Variants in UPF3B observed in about 807,000 individuals in gnomAD.
UPF3B encodes the protein UPF3B regulator of nonsense mediated mRNA decay.
Under a neutral mutation model 40.3 loss-of-function variants are expected in UPF3B, and 7 were observed. That is an observed-to-expected ratio of 0.17 (90% CI 0.10 to 0.33). UPF3B has a LOEUF of 0.33. Among genes scored for constraint, UPF3B ranks in the 10% least tolerant of loss-of-function variants. The pLI is 1.00. For missense variants in UPF3B, 229 were observed against 358.9 expected (o/e 0.64, Z 2.93); for synonymous variants, 117 against 117.3 (o/e 1.00, Z 0.01).
At position 119,851,153 on chromosome X, in the gene UPF3B, C is replaced by T. The variant is rs1284850183; in HGVS notation, c.370+342G>A. Among the ~76,000 whole-genome samples, 6 of 112,172 alleles carry T rather than the reference C, an allele frequency of 5.3e-5. No individual in the cohort carries two copies. The East Asian group carries it at 1.4e-3, about 26-fold the overall frequency. On this transcript the variant is annotated intron_variant, in intron 3 of 10. Coordinates refer to ENST00000276201, the MANE Select transcript of UPF3B (RefSeq NM_080632.3). The stretch of plus-strand genomic sequence containing the variant: ...TTTGAATTAAATAAATGTTTGTCCT[C>T]GAAGCAAAATAAGAAGTAAATATTT...
intron 10 of UPF3B, among the ~76,000 whole-genome samples, chrX:119,835,346 C>T (rs1014775098): frequency 9.0e-6 from 1 of 111,466 alleles, no homozygotes; most frequent in South Asian, 3.8e-4. Flanking sequence ...AAACGATCCT[C>T]CCACCTCAGG....
intron 5 of UPF3B, among the ~76,000 whole-genome samples, chrX:119,807,909 C>T (rs1279945847): frequency 3.6e-5 from 4 of 111,961 alleles, no homozygotes; most frequent in Non-Finnish European, 7.5e-5. Context: ...ATCCTCCCAC[C>T]TCAGCTCCCT....
chrX:119,831,000 T>C (rs149991576), downstream of UPF3B, among the ~76,000 whole-genome samples: 770 of 112,348 alleles, frequency 6.9e-3, 4 homozygotes, highest in Non-Finnish European at 0.01. Flanking sequence ...TCTCATGTCA[T>C]ATGTGATGAA....
At chrX:119,822,233 G>A (rs2055928172) in intron 4 of UPF3B, among the ~76,000 whole-genome samples, 1 of 112,619 alleles carries the variant, frequency 8.9e-6, no homozygotes, top group African/African-American at 3.2e-5. Context: ...TGTACTTATA[G>A]ACAAGGACAT....
At chrX:119,836,715 A>T (rs1300444245) in intron 10 of UPF3B, among the ~76,000 whole-genome samples, 1 of 105,437 alleles carries the variant, frequency 9.5e-6, no homozygotes, top group Non-Finnish European at 1.9e-5. Flanking sequence ...CAGTGACGCG[A>T]TCTCGGCTCA....
intron 5 of UPF3B, among the ~76,000 whole-genome samples, chrX:119,811,133 G>A (rs1472902204): frequency 1.8e-5 from 2 of 109,667 alleles, no homozygotes; most frequent in South Asian, 4.0e-4. Context: ...CCGCCTCCCG[G>A]GTTCAAGCGA....
chrX:119,824,361 G>A (rs1168473318), intron 3 of UPF3B, among the ~76,000 whole-genome samples: 1 of 99,897 alleles, frequency 1.0e-5, no homozygotes, highest in African/African-American at 3.7e-5. Flanking sequence ...TCAGTGATTG[G>A]TACATGTTTG....
chrX:119,830,676 A>G (rs1053808981), downstream of UPF3B, among the ~76,000 whole-genome samples: 16 of 109,964 alleles, frequency 1.5e-4, no homozygotes, highest in African/African-American at 5.3e-4. Context: ...AAGCTAGTGA[A>G]GGCAGAAAGT....
At chrX:119,814,859 C>CTT (rs140201169) in intron 5 of UPF3B, among the ~76,000 whole-genome samples, 141 of 46,027 alleles carry the variant, frequency 3.1e-3, no homozygotes, top group Non-Finnish European at 4.4e-3. Flanking sequence ...TTCTTTCTTT[C>CTT]TTTTTTTTTT....
At chrX:119,831,539 G>A (rs751327668), downstream of UPF3B, 91 of 194,058 alleles carry the variant, frequency 4.7e-4, 1 homozygote, top group Non-Finnish European at 4.0e-4. Flanking sequence ...GGCTGGTCTC[G>A]AAGTCCTGAC....
intron 4 of UPF3B, chrX:119,815,337 C>G (rs2055856251): frequency 3.0e-6 from 2 of 666,970 alleles, no homozygotes; most frequent in Non-Finnish European, 3.6e-6. Context: ...GTTACTGTTA[C>G]AACAATGCTG....
chrX:119,809,550 G>A (rs1184961220), intron 5 of UPF3B, among the ~76,000 whole-genome samples: 1 of 111,312 alleles, frequency 9.0e-6, no homozygotes, highest in Non-Finnish European at 1.9e-5. Flanking sequence ...GTGAAACCTC[G>A]TCTCTACTAA....
At chrX:119,815,592 C>T (rs1201477421) in intron 4 of UPF3B, among the ~76,000 whole-genome samples, 1 of 111,647 alleles carries the variant, frequency 9.0e-6, no homozygotes, top group Non-Finnish European at 1.9e-5. Flanking sequence ...GATTGCAGCT[C>T]ACAACAGCCT....
chrX:119,822,018 G>T (rs936262725), intron 4 of UPF3B, among the ~76,000 whole-genome samples: 1 of 111,575 alleles, frequency 9.0e-6, no homozygotes, highest in Non-Finnish European at 1.9e-5. Context: ...AAACTAGATT[G>T]TCAAGAATCC....
intron 10 of UPF3B, among the ~76,000 whole-genome samples, chrX:119,837,477 G>A (rs972038141): frequency 9.3e-6 from 1 of 107,656 alleles, no homozygotes; most frequent in Non-Finnish European, 1.9e-5. Flanking sequence ...TAAGTCAGGC[G>A]TGGTGGTGGG....
intron 4 of UPF3B, among the ~76,000 whole-genome samples, chrX:119,820,146 C>T (rs1310430967): frequency 9.8e-6 from 1 of 101,651 alleles, no homozygotes; most frequent in Non-Finnish European, 2.0e-5. Context: ...CAATCCCCTG[C>T]CTTTTTGTTG....
chrX:119,836,058 A>T (rs1469789069), intron 10 of UPF3B, among the ~76,000 whole-genome samples: 1 of 111,754 alleles, frequency 8.9e-6, no homozygotes, highest in Non-Finnish European at 1.9e-5. Flanking sequence ...AGGTCCTATT[A>T]AAAAAAAGAC....
At chrX:119,842,645 G>GAGCA (rs2056181509) in intron 5 of UPF3B, among the ~76,000 whole-genome samples, 1 of 107,620 alleles carries the variant, frequency 9.3e-6, no homozygotes, top group Admixed American at 1.0e-4. Flanking sequence ...GAGAGCGAGC[G>GAGCA]AGCAAGCAAG....
chrX:119,835,431 C>G (rs2056081052), intron 10 of UPF3B, among the ~76,000 whole-genome samples: 1 of 111,519 alleles, frequency 9.0e-6, no homozygotes, highest in African/African-American at 3.3e-5. Flanking sequence ...AACAAGCTCT[C>G]CCTATGTTGC....
Sources: allele counts gnomAD v4.1 joint callset (sites outside exome capture counted in the v4.1 genomes callset), GRCh38; gene constraint gnomAD v4.1.1; transcripts MANE v1.5; gene names NCBI Gene and HGNC (gene_info 2026-07-23, HGNC 2026-07-21).